Variants in LGSN observed in about 807,000 individuals in gnomAD.
LGSN encodes the protein lengsin.
In LGSN, 21 loss-of-function variants were observed where a neutral mutation model predicts 19.5. The observed-to-expected ratio is 1.07, with a 90% CI of 0.76 to 1.55. The LOEUF (loss-of-function observed/expected upper bound fraction) is 1.55, where lower values mean the gene tolerates loss of function less well. Among genes scored for constraint, LGSN ranks in the 40% most tolerant of loss-of-function variants. LGSN has a pLI of 0.00. For missense variants in LGSN, 673 were observed against 608.5 expected, an observed-to-expected ratio of 1.11 and a Z score of -1.12; for synonymous variants, 257 against 215.6, an observed-to-expected ratio of 1.19 and a Z score of -1.68.
chr6:63,542,556 C>T, the LGSN span, among the ~76,000 whole-genome samples: 1 of 152,126 alleles, frequency 6.6e-6, no homozygotes, highest in Non-Finnish European at 1.5e-5. Context: ...TGTTGCCTCT[C>T]TCCAATCTCT....
chr6:63,523,369 C>A, the LGSN span, among the ~76,000 whole-genome samples: 2 of 151,972 alleles, frequency 1.3e-5, no homozygotes, highest in Non-Finnish European at 2.9e-5. Flanking sequence ...CCTGTCTCTA[C>A]TAGAAAACAC....
the LGSN span, among the ~76,000 whole-genome samples, chr6:63,365,619 G>A: frequency 3.9e-5 from 6 of 152,046 alleles, no homozygotes; most frequent in South Asian, 4.1e-4. Flanking sequence ...CCAAAGTCTG[G>A]CAGAGACACA....
intron 1 of LGSN, among the ~76,000 whole-genome samples, chr6:63,318,680 C>T (rs746622590): frequency 2.6e-5 from 4 of 152,120 alleles, no homozygotes; most frequent in Non-Finnish European, 5.9e-5. Context: ...AACATTTGGT[C>T]TAGACTGGTC....
At chr6:63,469,177 A>G in the LGSN span, among the ~76,000 whole-genome samples, 2 of 152,324 alleles carry the variant, frequency 1.3e-5, no homozygotes, top group Admixed American at 6.5e-5. Flanking sequence ...TGAATTTATT[A>G]CATGTACATA....
At chr6:63,457,887 A>AATT in the LGSN span, among the ~76,000 whole-genome samples, 2 of 151,774 alleles carry the variant, frequency 1.3e-5, no homozygotes, top group Non-Finnish European at 2.9e-5. Flanking sequence ...TCAAATAAAT[A>AATT]AATTAATTAA....
chr6:63,455,578 A>G, the LGSN span, among the ~76,000 whole-genome samples: 1 of 151,000 alleles, frequency 6.6e-6, no homozygotes, highest in East Asian at 2.0e-4. Flanking sequence ...AACATGATGA[A>G]ACCCCGTCTC....
chr6:63,474,517 G>A, the LGSN span, among the ~76,000 whole-genome samples: 1 of 151,548 alleles, frequency 6.6e-6, no homozygotes, highest in South Asian at 2.1e-4. Flanking sequence ...GTTGAGGCAG[G>A]AGAATGGCAT....
chr6:63,292,029 T>C (rs1767790337), intron 2 of LGSN, among the ~76,000 whole-genome samples: 1 of 152,146 alleles, frequency 6.6e-6, no homozygotes. Flanking sequence ...CTCTGAGATA[T>C]AAAACCACAG....
the LGSN span, among the ~76,000 whole-genome samples, chr6:63,418,556 T>C: frequency 6.6e-6 from 1 of 151,954 alleles, no homozygotes; most frequent in Non-Finnish European, 1.5e-5. Flanking sequence ...CGAGACTCCG[T>C]CTCAAATAAA....
intron 2 of LGSN, among the ~76,000 whole-genome samples, chr6:63,288,697 T>A (rs1767647270): frequency 6.6e-6 from 1 of 152,190 alleles, no homozygotes; most frequent in Non-Finnish European, 1.5e-5. Context: ...AAACCAAAGG[T>A]GTCAGCAGGA....
At chr6:63,458,018 C>T in the LGSN span, among the ~76,000 whole-genome samples, 2 of 151,842 alleles carry the variant, frequency 1.3e-5, no homozygotes, top group East Asian at 3.9e-4. Context: ...CTATTATTTT[C>T]ACAATTCTTT....
At chr6:63,438,838 G>A in the LGSN span, among the ~76,000 whole-genome samples, 1 of 152,132 alleles carries the variant, frequency 6.6e-6, no homozygotes, top group African/African-American at 2.4e-5. Context: ...ATTTGACCTA[G>A]CCATCCCATT....
At chr6:63,538,852 G>C in the LGSN span, among the ~76,000 whole-genome samples, 1 of 152,042 alleles carries the variant, frequency 6.6e-6, no homozygotes, top group African/African-American at 2.4e-5. Flanking sequence ...ATGATACTAG[G>C]TGTGGGAACC....
chr6:63,561,741 A>T, the LGSN span, among the ~76,000 whole-genome samples: 2 of 152,162 alleles, frequency 1.3e-5, no homozygotes, highest in African/African-American at 4.8e-5. Context: ...GGAGCTTCTC[A>T]CTGGTTGGGC....
chr6:63,370,045 G>C, the LGSN span, among the ~76,000 whole-genome samples: 3 of 151,898 alleles, frequency 2.0e-5, no homozygotes, highest in African/African-American at 7.3e-5. Flanking sequence ...AGAAGAAGAA[G>C]AAAGAAAAGT....
chr6:63,545,199 G>T, the LGSN span, among the ~76,000 whole-genome samples: 2 of 152,050 alleles, frequency 1.3e-5, no homozygotes, highest in African/African-American at 2.4e-5. Flanking sequence ...TACTCAAATC[G>T]TCCCAGATTT....
chr6:63,569,569 A>G, the LGSN span, among the ~76,000 whole-genome samples: 1 of 152,138 alleles, frequency 6.6e-6, no homozygotes, highest in Non-Finnish European at 1.5e-5. Context: ...ACCATGCTCA[A>G]CTTCCTTATA....
rs545544206 is a variant in LGSN at position 63,309,560 on chromosome 6, G to T, written c.30+10354C>A. Among the ~76,000 whole-genome samples the T allele has an allele frequency of 2.4e-4, 36 of 152,146 alleles. 1 individual carries two copies. Among genetic ancestry groups the T allele is most frequent in the Admixed American group, 8.5e-4 (13 of 15,288 alleles). On this transcript the variant is annotated intron_variant, in intron 1 of 3. Transcript: ENST00000370657. ...CATTTTTATAAGATTGTCTAGTGGG[G>T]TTTTTTTGGCGTTTTCCTTTAATTT...
At chr6:63,515,654 T>C in the LGSN span, among the ~76,000 whole-genome samples, 2 of 152,262 alleles carry the variant, frequency 1.3e-5, no homozygotes, top group Non-Finnish European at 2.9e-5. Context: ...TATTAATTCA[T>C]ATTCTCATTT....
Sources: allele counts gnomAD v4.1 joint callset (sites outside exome capture counted in the v4.1 genomes callset), GRCh38; gene constraint gnomAD v4.1.1; transcripts MANE v1.5; gene names NCBI Gene and HGNC (gene_info 2026-07-23, HGNC 2026-07-21).